TAF3: variants seen among roughly 807,000 people sequenced by gnomAD.
TAF3 encodes TATA-box binding protein associated factor 3.
TAF3 carries 7 observed loss-of-function variants against 80.6 expected under a neutral mutation model. The observed-to-expected ratio is 0.09, with a 90% CI of 0.05 to 0.16. The LOEUF (loss-of-function observed/expected upper bound fraction) is 0.16. TAF3 is among the 10% of genes least tolerant of loss of function. TAF3 has a pLI of 1.00. For synonymous variants in TAF3, 444 were observed against 446.1 expected (o/e 1.00, Z 0.06); for missense variants, 921 against 1,140.2 (o/e 0.81, Z 2.77).
At chr10:7,974,588 G>A (rs892374115) in intron 3 of TAF3, among the ~76,000 whole-genome samples, 8 of 152,154 alleles carry the variant, frequency 5.3e-5, no homozygotes, top group African/African-American at 1.9e-4. Context: ...AGAGGAGTTT[G>A]TAAAGGAGAA....
At chr10:7,880,777 A>G (rs1263004013) in intron 2 of TAF3, among the ~76,000 whole-genome samples, 2 of 152,162 alleles carry the variant, frequency 1.3e-5, no homozygotes, top group Admixed American at 6.5e-5. Context: ...TCACTAAGCC[A>G]TTTACATTGT....
chr10:7,944,095 G>C (rs1370230468), intron 2 of TAF3, among the ~76,000 whole-genome samples: 1 of 65,618 alleles, frequency 1.5e-5, no homozygotes, highest in Non-Finnish European at 4.5e-5. Context: ...GTTCATGCTT[G>C]TGTGTGTGTG....
At chr10:7,902,002 G>A (rs996179002) in intron 2 of TAF3, among the ~76,000 whole-genome samples, 11 of 151,934 alleles carry the variant, frequency 7.2e-5, no homozygotes, top group African/African-American at 2.7e-4. Context: ...CTTTATGTTC[G>A]GAACCACTGA....
chr10:7,980,843 C>T (rs1831719321), intron 4 of TAF3, among the ~76,000 whole-genome samples: 2 of 152,132 alleles, frequency 1.3e-5, no homozygotes, highest in Non-Finnish European at 2.9e-5. Flanking sequence ...GGGCAGGTGG[C>T]AAAGCAGGCA....
chr10:7,892,238 A>G (rs945192576), intron 2 of TAF3, among the ~76,000 whole-genome samples: 8 of 152,216 alleles, frequency 5.3e-5, no homozygotes, highest in Admixed American at 6.5e-5. Context: ...TAGGAAATAG[A>G]TTATTGAACT....
rs1487146188 is a variant in TAF3, at chr10:7,976,306, G to A, written c.2233-935G>A. 3.3e-5 allele frequency among the ~76,000 whole-genome samples: 5 copies of A among 151,268 alleles called. No individual in the cohort carries two copies. In the East Asian group the frequency reaches 9.7e-4, roughly 29 times the overall value. ...CTGTCACCCAGGGTGGAGTGCAGTG[G>A]CACAATCTCAGCTCACTGCAACCTC... On this transcript the variant is annotated intron_variant, in intron 3 of 6. Transcript: ENST00000344293.
intron 4 of TAF3, among the ~76,000 whole-genome samples, chr10:7,995,374 T>C (rs1343639962): frequency 6.6e-6 from 1 of 152,204 alleles, no homozygotes; most frequent in Non-Finnish European, 1.5e-5. Flanking sequence ...CAAAATACAT[T>C]CAGAGAAGTC....
intron 2 of TAF3, 83 bp from the exon 3 acceptor site, chr10:7,963,837 A>T: frequency 7.8e-7 from 1 of 1,285,184 alleles, no homozygotes; most frequent in East Asian, 2.6e-5. Context: ...AAGAAATCAT[A>T]TTTGAAGCAT....
In TAF3 at chr10:7,985,432, C is replaced by T. The variant is rs565550646; in HGVS notation, c.2315+8109C>T. Among the ~76,000 whole-genome samples the T allele has an allele frequency of 1.5e-3, 225 of 152,308 alleles. 2 individuals carry two copies. The highest frequency in any genetic ancestry group is 5.0e-3 in the African/African-American group (207 of 41,572). On this transcript the variant is annotated intron_variant, in intron 4 of 6. Transcript: ENST00000344293. ...ATTTTTGTCCAGCCTTTCATTCTCC[C>T]ATGCTAACCCTCCTCACCTTCATCA... is the stretch of plus-strand genomic sequence containing the variant.
intron 2 of TAF3, among the ~76,000 whole-genome samples, chr10:7,858,207 T>C (rs770907846): frequency 3.8e-4 from 58 of 152,226 alleles, no homozygotes; most frequent in Admixed American, 7.2e-4. Flanking sequence ...TCACTGTCTT[T>C]TCCCAGAGAA....
intron 2 of TAF3, among the ~76,000 whole-genome samples, chr10:7,902,481 C>A (rs931864708): frequency 6.6e-6 from 1 of 151,966 alleles, no homozygotes; most frequent in African/African-American, 2.4e-5. Context: ...GAGTCCGGGC[C>A]AATATTGACT....
At position 7,818,524 on chromosome 10, in the gene TAF3, C is replaced by T. The variant is rs1032890224; in HGVS notation, c.-186C>T. ...CCGTCCAGCGGGAGGCGGAGCGAGT[C>T]CAAAATGGCGGCTCTCAGGCTGGCG... On this transcript the variant is annotated 5_prime_UTR_variant, in exon 1 of 7. Coordinates refer to ENST00000344293, the MANE Select transcript of TAF3 (RefSeq NM_031923.4). 3 of 541,196 alleles carry T rather than the reference C, an allele frequency of 5.5e-6. No individual in the cohort carries two copies. Among genetic ancestry groups the T allele is most frequent in the South Asian group, 6.0e-5 (2 of 33,408 alleles). 33.5% of individuals were successfully genotyped at this position (541,196 alleles called of 1,614,324 possible).
chr10:7,828,092 G>A (rs574994669), intron 2 of TAF3, among the ~76,000 whole-genome samples: 7 of 152,312 alleles, frequency 4.6e-5, no homozygotes, highest in African/African-American at 1.7e-4. Flanking sequence ...GTGTCAAGCT[G>A]CATTCAGTGG....
intron 4 of TAF3, among the ~76,000 whole-genome samples, chr10:7,988,455 C>G (rs1831799060): frequency 6.6e-6 from 1 of 150,882 alleles, no homozygotes; most frequent in Non-Finnish European, 1.5e-5. Context: ...ACCTGTTATC[C>G]CAGCTACTCA....
chr10:7,997,242 G>T (rs974034334), intron 4 of TAF3, among the ~76,000 whole-genome samples: 1 of 152,162 alleles, frequency 6.6e-6, no homozygotes, highest in African/African-American at 2.4e-5. Context: ...AATAATGGCC[G>T]TTCACTTTTA....
chr10:7,850,686 A>AT lies in TAF3; in HGVS notation c.409+26126_409+26127insT, dbSNP rs1554777156. 3.6e-3 allele frequency among the ~76,000 whole-genome samples: 544 copies of AT among 150,632 alleles called. 2 individuals carry two copies. Among genetic ancestry groups the AT allele is most frequent in the South Asian group, 5.4e-3 (26 of 4,782 alleles). On this transcript the variant is annotated intron_variant, in intron 2 of 6. Coordinates refer to ENST00000344293, the MANE Select transcript of TAF3 (RefSeq NM_031923.4). ...CAAGACTCCATCTCAAAAAAAAAAAAATATATATGTATATATATATACACA... is the reference window on the plus strand; with the variant it reads ...CAAGACTCCATCTCAAAAAAAAAAAATATATATATGTATATATATATACACA...
At chr10:7,897,375 G>A (rs984513662) in intron 2 of TAF3, among the ~76,000 whole-genome samples, 1 of 152,124 alleles carries the variant, frequency 6.6e-6, no homozygotes, top group African/African-American at 2.4e-5. Context: ...TTATCTTTTA[G>A]CATTGAGTAG....
At chr10:7,991,789 C>CT (rs1416638249) in intron 4 of TAF3, among the ~76,000 whole-genome samples, 1 of 152,032 alleles carries the variant, frequency 6.6e-6, no homozygotes, top group East Asian at 1.9e-4. Flanking sequence ...GACCTAGCAG[C>CT]TTTTTTGAAT....
intron 2 of TAF3, among the ~76,000 whole-genome samples, chr10:7,867,363 T>C (rs1837224074): frequency 6.6e-6 from 1 of 152,204 alleles, no homozygotes. Flanking sequence ...AAATTAGTAT[T>C]TAGTCATTTG....
Sources: allele counts gnomAD v4.1 joint callset (sites outside exome capture counted in the v4.1 genomes callset), GRCh38; gene constraint gnomAD v4.1.1; transcripts MANE v1.5; gene names NCBI Gene and HGNC (gene_info 2026-07-23, HGNC 2026-07-21).